MYOZ2: variants seen among roughly 807,000 people sequenced by gnomAD.
MYOZ2 encodes myozenin 2, also known as myozenin-2.
A neutral mutation model predicts 25.4 loss-of-function variants in MYOZ2; 19 were observed. The ratio of observed to expected loss-of-function variants is 0.75; its 90% CI spans 0.52 to 1.10. The LOEUF is 1.10. MYOZ2 is among the 50% of genes least tolerant of loss of function. The probability of loss-of-function intolerance (pLI) is 0.00; values close to 1 mark genes in which losing one functional copy is unlikely to be tolerated. For missense variants in MYOZ2, 270 were observed against 317.9 expected, an observed-to-expected ratio of 0.85 and a Z score of 1.15; for synonymous variants, 92 against 106.9, an observed-to-expected ratio of 0.86 and a Z score of 0.86.
intron 2 of MYOZ2, among the ~76,000 whole-genome samples, chr4:119,145,065 A>G (rs770787372): frequency 6.6e-6 from 1 of 152,128 alleles, no homozygotes; most frequent in Non-Finnish European, 1.5e-5. Context: ...TCCTTAGCCC[A>G]TTAACATGGT....
chr4:119,175,296 CTGTA>C, intron 5 of MYOZ2, among the ~76,000 whole-genome samples: 1 of 152,164 alleles, frequency 6.6e-6, no homozygotes. Context: ...AACCCAAATA[CTGTA>C]TTTTAGTGCA....
chr4:119,136,379 T>C, intron 1 of MYOZ2, 133 bp from the exon 2 acceptor site: 1 of 767,688 alleles, frequency 1.3e-6, no homozygotes, highest in Non-Finnish European at 2.2e-6. Context: ...GAATGCGTAT[T>C]GAAGTCTTTC....
At chr4:119,149,213 C>T (rs372542232) in intron 2 of MYOZ2, among the ~76,000 whole-genome samples, 7 of 152,144 alleles carry the variant, frequency 4.6e-5, no homozygotes, top group African/African-American at 9.7e-5. Flanking sequence ...CAGACTCCCA[C>T]GTAGTCTTCA....
At chr4:119,152,782 G>C (rs1220246416) in intron 3 of MYOZ2, among the ~76,000 whole-genome samples, 3 of 152,014 alleles carry the variant, frequency 2.0e-5, no homozygotes, top group African/African-American at 7.2e-5. Flanking sequence ...ATGCAATAAA[G>C]TCATATTTTA....
rs535274526 is a variant in MYOZ2, at chr4:119,186,104, T to C, written c.699T>C (p.Asn233=). 3 of 1,614,012 alleles carry C rather than the reference T, an allele frequency of 1.9e-6. No homozygotes were observed. The highest frequency in any genetic ancestry group is 1.7e-5 in the Admixed American group (1 of 60,024). Residue 233 remains asparagine, a synonymous_variant, in exon 6 of 6, where the codon AAT becomes AAC. Transcript: ENST00000307128. ...VNPLSGRRSF[N]RTPKGWISEN... ...CCCTTTCTGGCAGACGGTCCTTTAA[T>C]AGGACTCCTAAGGGATGGATATCTG...
At chr4:119,144,929 C>A (rs953136652) in intron 2 of MYOZ2, among the ~76,000 whole-genome samples, 1 of 152,172 alleles carries the variant, frequency 6.6e-6, no homozygotes, top group East Asian at 1.9e-4. Flanking sequence ...TGTCTCAGAG[C>A]AAAAGTTTTT....
At chr4:119,171,523 A>G (rs1480503721) in intron 5 of MYOZ2, among the ~76,000 whole-genome samples, 1 of 151,912 alleles carries the variant, frequency 6.6e-6, no homozygotes, top group Non-Finnish European at 1.5e-5. Context: ...AACAAAATCT[A>G]GTCATTTAAA....
At chr4:119,160,141 A>T (rs1353030186) in intron 4 of MYOZ2, among the ~76,000 whole-genome samples, 1 of 152,178 alleles carries the variant, frequency 6.6e-6, no homozygotes, top group Admixed American at 6.5e-5. Context: ...ATCTCGCTTT[A>T]CAGGGTCACT....
intron 3 of MYOZ2, among the ~76,000 whole-genome samples, chr4:119,153,818 A>G (rs1741510728): frequency 6.6e-6 from 1 of 152,156 alleles, no homozygotes; most frequent in Non-Finnish European, 1.5e-5. Context: ...ACAAACAGTA[A>G]TAACAGTAAA....
intron 3 of MYOZ2, 118 bp downstream of exon 3, chr4:119,151,159 G>T: frequency 9.2e-7 from 1 of 1,086,280 alleles, no homozygotes; most frequent in Non-Finnish European, 1.3e-6. Flanking sequence ...ATTCTGTTAG[G>T]CTATTTTTTT....
Position 119,187,569 on chromosome 4 carries a change from AACAATG to A in MYOZ2, c.*1374_*1379del, listed in dbSNP as rs1336947758. On this transcript the variant is annotated 3_prime_UTR_variant, in exon 6 of 6. Coordinates refer to ENST00000307128, the MANE Select transcript of MYOZ2 (RefSeq NM_016599.5). ...TATGAAAATATAACCCCCAGAAAGTAACAATGACAAAGTATTATATTTATATATATT... is the reference window on the plus strand; with the variant it reads ...TATGAAAATATAACCCCCAGAAAGTAACAAAGTATTATATTTATATATATT... The A allele has an allele frequency of 7.2e-5, 11 of 152,068 alleles. No individual in the cohort carries two copies. Among genetic ancestry groups the A allele is most frequent in the Non-Finnish European group, 1.5e-4 (10 of 68,008 alleles). 9.4% of individuals were successfully genotyped at this position (152,068 alleles called of 1,614,324 possible).
At chr4:119,143,012 A>G (rs1402154915) in intron 2 of MYOZ2, among the ~76,000 whole-genome samples, 1 of 152,142 alleles carries the variant, frequency 6.6e-6, no homozygotes. Context: ...AGGTGCCAGC[A>G]TCAAGGGAGG....
intron 3 of MYOZ2, 84 bp downstream of exon 3, chr4:119,151,125 A>T: frequency 7.5e-7 from 1 of 1,330,574 alleles, no homozygotes; most frequent in Non-Finnish European, 1.1e-6. Context: ...TGAAGGAAGT[A>T]TTCTATATAT....
intron 3 of MYOZ2, 89 bp downstream of exon 3, chr4:119,151,130 A>G: frequency 7.6e-7 from 1 of 1,321,126 alleles, no homozygotes; most frequent in Non-Finnish European, 1.1e-6. Context: ...GAAGTATTCT[A>G]TATATTTTCT....
intron 2 of MYOZ2, among the ~76,000 whole-genome samples, chr4:119,139,870 TTTTG>T (rs922027547): frequency 1.3e-5 from 2 of 152,080 alleles, no homozygotes; most frequent in Non-Finnish European, 1.5e-5. Flanking sequence ...TTGGTACGTT[TTTTG>T]TTTGTTTGTT....
chr4:119,169,083 G>A (rs1004423440), intron 5 of MYOZ2, among the ~76,000 whole-genome samples: 1 of 149,032 alleles, frequency 6.7e-6, no homozygotes, highest in East Asian at 2.0e-4. Flanking sequence ...CAACAATATG[G>A]CAATCACTCC....
intron 2 of MYOZ2, among the ~76,000 whole-genome samples, chr4:119,139,350 C>T (rs758428112): frequency 6.6e-6 from 1 of 152,162 alleles, no homozygotes. Context: ...CAGTTGTTAC[C>T]ATCTAACAAG....
rs1553960177 is a variant in MYOZ2 at position 119,185,943 on chromosome 4, G to GC, written c.561-23_561-22insC. Reference sequence around the variant, plus strand: ...CAAATTTGAATATTAATTGAGATCTGTTTTTTTTTTAATTTCCCACAGGGT... The same window carrying GC: ...CAAATTTGAATATTAATTGAGATCTGCTTTTTTTTTTAATTTCCCACAGGGT... On this transcript the variant is annotated intron_variant, in intron 5 of 5. Transcript: ENST00000307128. 2.1e-6 allele frequency: 3 copies of GC among 1,401,846 alleles called. No individual in the cohort carries two copies. In the African/African-American group the frequency reaches 4.4e-5, roughly 20 times the overall value. The allele number at this position is 1,401,846 out of a possible 1,614,324, so 86.8% of individuals were successfully genotyped here.
chr4:119,157,910 G>A, intron 3 of MYOZ2, 112 bp from the exon 4 acceptor site: 2 of 1,335,024 alleles, frequency 1.5e-6, no homozygotes, highest in Non-Finnish European at 2.1e-6. Context: ...AAGTAATGAA[G>A]CGACATTGCA....
Sources: allele counts gnomAD v4.1 joint callset (sites outside exome capture counted in the v4.1 genomes callset), GRCh38; gene constraint gnomAD v4.1.1; transcripts MANE v1.5; gene names NCBI Gene and HGNC (gene_info 2026-07-23, HGNC 2026-07-21).